Variants in DCC observed in about 807,000 individuals in gnomAD.
The protein encoded by DCC is netrin receptor DCC.
DCC carries 58 observed loss-of-function variants against 172.5 expected under a neutral mutation model. The observed-to-expected ratio is 0.34, with a 90% CI of 0.27 to 0.42. The LOEUF is 0.42. Among genes scored for constraint, DCC ranks in the 10% least tolerant of loss-of-function variants. The probability of loss-of-function intolerance (pLI) is 1.00; values close to 1 mark genes in which losing one functional copy is unlikely to be tolerated. For synonymous variants in DCC, 709 were observed against 644.5 expected (o/e 1.10, Z -1.52); for missense variants, 1,740 against 1,791.0 (o/e 0.97, Z 0.51).
intron 22 of DCC, among the ~76,000 whole-genome samples, chr18:53,440,483 C>T (rs1028204347): frequency 3.5e-5 from 5 of 140,968 alleles, no homozygotes; most frequent in Non-Finnish European, 6.3e-5. Flanking sequence ...AGTTTGCTCT[C>T]TATTTTTGCA....
chr18:52,865,056 G>A (rs1448038467), intron 2 of DCC, among the ~76,000 whole-genome samples: 4 of 151,876 alleles, frequency 2.6e-5, no homozygotes, highest in East Asian at 1.9e-4. Context: ...TAGTATAGAT[G>A]GGGTTTCATT....
intron 12 of DCC, among the ~76,000 whole-genome samples, chr18:53,299,293 C>G (rs892569317): frequency 6.6e-6 from 1 of 152,040 alleles, no homozygotes; most frequent in Admixed American, 6.6e-5. Context: ...ATTAATCCAG[C>G]CTTCTCTCTC....
intron 7 of DCC, among the ~76,000 whole-genome samples, chr18:53,116,998 C>T (rs997214598): frequency 6.6e-6 from 1 of 151,632 alleles, no homozygotes; most frequent in African/African-American, 2.4e-5. Flanking sequence ...TAACCAAATT[C>T]ACATTGAACT....
chr18:52,740,534 C>A (rs1055052648), intron 1 of DCC, among the ~76,000 whole-genome samples: 4 of 152,142 alleles, frequency 2.6e-5, no homozygotes, highest in Non-Finnish European at 5.9e-5. Context: ...GACGTTATGC[C>A]ACAATGTCAA....
At chr18:53,179,240 TA>T (rs2055157231) in intron 9 of DCC, 124 bp downstream of exon 9, 1 of 918,582 alleles carries the variant, frequency 1.1e-6, no homozygotes, top group South Asian at 1.4e-5. Context: ...TTCTTCTAAG[TA>T]AACTTATATA....
At chr18:53,268,765 A>G (rs1289954000) in intron 12 of DCC, among the ~76,000 whole-genome samples, 1 of 152,146 alleles carries the variant, frequency 6.6e-6, no homozygotes, top group African/African-American at 2.4e-5. Context: ...CTTTATTATG[A>G]CCACCTGAAC....
At chr18:52,468,138 G>A (rs550564947) in intron 1 of DCC, among the ~76,000 whole-genome samples, 3 of 152,274 alleles carry the variant, frequency 2.0e-5, no homozygotes, top group Admixed American at 2.0e-4. Context: ...CAGATATGAG[G>A]AAGAAAAGCT....
intron 1 of DCC, among the ~76,000 whole-genome samples, chr18:52,640,839 A>G (rs1214091653): frequency 6.6e-6 from 1 of 152,138 alleles, no homozygotes; most frequent in African/African-American, 2.4e-5. Flanking sequence ...TACCACCATC[A>G]TTCTTCATAG....
chr18:52,820,581 G>A (rs1431730), intron 2 of DCC, among the ~76,000 whole-genome samples: 17,068 of 152,064 alleles, frequency 0.11, 1,044 homozygotes, highest in South Asian at 0.2. Context: ...ATAGGCTACA[G>A]AATTGAACAG....
At chr18:53,049,139 G>T (rs1256741588) in intron 5 of DCC, among the ~76,000 whole-genome samples, 1 of 151,738 alleles carries the variant, frequency 6.6e-6, no homozygotes, top group Non-Finnish European at 1.5e-5. Context: ...TAGGCTGTCT[G>T]TTCATTCTCT....
At chr18:53,183,886 G>T (rs2055238271) in intron 9 of DCC, among the ~76,000 whole-genome samples, 1 of 151,506 alleles carries the variant, frequency 6.6e-6, no homozygotes, top group Non-Finnish European at 1.5e-5. Flanking sequence ...CAATCATCGA[G>T]ACCTCAGTTT....
chr18:52,765,200 ATTTT>A (rs563633847), intron 2 of DCC, among the ~76,000 whole-genome samples: 309 of 138,172 alleles, frequency 2.2e-3, no homozygotes, highest in African/African-American at 6.3e-3. Context: ...CTCCTGGCTA[ATTTT>A]TTTTTTTTTT....
intron 27 of DCC, among the ~76,000 whole-genome samples, chr18:53,511,613 C>A (rs950779898): frequency 2.0e-5 from 3 of 152,086 alleles, no homozygotes; most frequent in African/African-American, 4.8e-5. Flanking sequence ...ACACCGTGCG[C>A]GAGCCAAAGC....
chr18:53,488,107 C>T (rs1486108668), intron 26 of DCC, among the ~76,000 whole-genome samples: 1 of 152,172 alleles, frequency 6.6e-6, no homozygotes, highest in Non-Finnish European at 1.5e-5. Context: ...TATTCTCTGA[C>T]TTTAAAGGGA....
intron 1 of DCC, among the ~76,000 whole-genome samples, chr18:52,714,982 G>T (rs1055255415): frequency 2.6e-5 from 4 of 152,116 alleles, no homozygotes; most frequent in Admixed American, 2.0e-4. Flanking sequence ...TTCCATCTAA[G>T]ATATGATCGC....
chr18:53,124,465 T>C (rs1466200146), intron 7 of DCC, among the ~76,000 whole-genome samples: 2 of 152,234 alleles, frequency 1.3e-5, no homozygotes, highest in African/African-American at 4.8e-5. Context: ...CATTGTTTAC[T>C]ATGGCAAGGA....
At chr18:53,468,043 G>T (rs1309915390) in intron 25 of DCC, 33 bp downstream of exon 25, 2 of 995,226 alleles carry the variant, frequency 2.0e-6, no homozygotes, top group Non-Finnish European at 3.2e-6. Flanking sequence ...ATGAAGAAAT[G>T]AAATGCTTTC....
At chr18:52,416,526 C>T (rs1987036269) in intron 1 of DCC, among the ~76,000 whole-genome samples, 1 of 151,666 alleles carries the variant, frequency 6.6e-6, no homozygotes, top group Non-Finnish European at 1.5e-5. Context: ...TTGTAGGTCA[C>T]TCAGGACTTG....
chr18:53,509,234 T>G (rs774378759), intron 27 of DCC, among the ~76,000 whole-genome samples: 2 of 152,260 alleles, frequency 1.3e-5, no homozygotes, highest in Non-Finnish European at 2.9e-5. Context: ...TTATTTCTCA[T>G]TGAGCACATG....
Sources: allele counts gnomAD v4.1 joint callset (sites outside exome capture counted in the v4.1 genomes callset), GRCh38; gene constraint gnomAD v4.1.1; transcripts MANE v1.5; gene names NCBI Gene and HGNC (gene_info 2026-07-23, HGNC 2026-07-21).